ATP6V1B2: variants seen among roughly 807,000 people sequenced by gnomAD.
ATP6V1B2 encodes V-type proton ATPase subunit B, brain isoform.
Under a neutral mutation model 66.7 loss-of-function variants are expected in ATP6V1B2, and 23 were observed. The ratio of observed to expected loss-of-function variants is 0.34; its 90% CI spans 0.25 to 0.49. The LOEUF is 0.49. ATP6V1B2 is among the 20% of genes least tolerant of loss of function. The probability of loss-of-function intolerance (pLI) is 0.99; values close to 1 mark genes in which losing one functional copy is unlikely to be tolerated. For missense variants in ATP6V1B2, 478 were observed against 650.8 expected (o/e 0.73, Z 2.89); for synonymous variants, 278 against 236.7 (o/e 1.17, Z -1.60).
chr8:20,220,657 G>A lies in ATP6V1B2; in HGVS notation c.*255G>A. 1 of 409,100 alleles carries A rather than the reference G, an allele frequency of 2.4e-6. No homozygotes were observed. Among genetic ancestry groups the A allele is most frequent in the Non-Finnish European group, 4.2e-6 (1 of 235,958 alleles). The allele number at this position is 409,100 out of a possible 1,614,324, so 25.3% of individuals were successfully genotyped here. On this transcript the variant is annotated 3_prime_UTR_variant, in exon 14 of 14. Coordinates refer to ENST00000276390, the MANE Select transcript of ATP6V1B2 (RefSeq NM_001693.4). The stretch of plus-strand genomic sequence containing the variant: ...GATGGAGTGGCGTTTTCTTATTGCT[G>A]TATGTATTGTACATAGTGGAGTAGT...
intron 1 of ATP6V1B2, among the ~76,000 whole-genome samples, chr8:20,202,332 A>T (rs577362076): frequency 6.6e-6 from 1 of 152,352 alleles, no homozygotes; most frequent in South Asian, 2.1e-4. Flanking sequence ...TGGGCAAGAC[A>T]CAATAATTTC....
chr8:20,200,437 A>G (rs2072674599), intron 1 of ATP6V1B2, among the ~76,000 whole-genome samples: 1 of 152,208 alleles, frequency 6.6e-6, no homozygotes, highest in Non-Finnish European at 1.5e-5. Flanking sequence ...AAACTCAAAA[A>G]GCTTTGTTTT....
Position 20,214,783 on chromosome 8 carries a change from C to T in ATP6V1B2, c.928-35C>T, listed in dbSNP as rs139729457. 1,776 of 1,567,666 alleles carry T rather than the reference C, an allele frequency of 1.1e-3. 12 individuals carry two copies. The Middle Eastern group carries it at 0.013, about 11-fold the overall frequency. ...GTTGTAAGCAAGCTTGTTGTAATATCGTGCATGATACTCTTCTGCTTGACC... is the reference window on the plus strand; with the variant it reads ...GTTGTAAGCAAGCTTGTTGTAATATTGTGCATGATACTCTTCTGCTTGACC... On this transcript the variant is annotated intron_variant, in intron 9 of 13. Transcript: ENST00000276390.
chr8:20,216,888 A>ATT (rs901486311), intron 11 of ATP6V1B2: 6 of 263,066 alleles, frequency 2.3e-5, no homozygotes, highest in African/African-American at 1.1e-4. Flanking sequence ...TTTGTGTATA[A>ATT]TTTTTTGAGT....
intron 1 of ATP6V1B2, among the ~76,000 whole-genome samples, chr8:20,199,360 C>CTTTGTTTT (rs2072660612): frequency 1.3e-5 from 2 of 151,858 alleles, no homozygotes; most frequent in African/African-American, 4.9e-5. Context: ...ATTTAAACTC[C>CTTTGTTTT]TTGCTCGAAT....
chr8:20,220,782 A>G lies in ATP6V1B2; in HGVS notation c.*380A>G, dbSNP rs1465382883. ...CTGAAGTTATAATGCTTTGGTCTCT[A>G]CATTAGGGGCAAGATCCAGTCTGAG... On this transcript the variant is annotated 3_prime_UTR_variant, in exon 14 of 14. Transcript: ENST00000276390. 6.3e-6 allele frequency: 1 copy of G among 158,342 alleles called. No homozygotes were observed. The allele number at this position is 158,342 out of a possible 1,614,324, so 9.8% of individuals were successfully genotyped here.
chr8:20,197,875 C>T (rs2072644825), intron 1 of ATP6V1B2, among the ~76,000 whole-genome samples: 1 of 152,200 alleles, frequency 6.6e-6, no homozygotes, highest in African/African-American at 2.4e-5. Flanking sequence ...TCTTGCCACT[C>T]CGATCTTAAT....
intron 13 of ATP6V1B2, 118 bp downstream of exon 13, chr8:20,218,400 G>A: frequency 1.5e-6 from 2 of 1,332,190 alleles, no homozygotes; most frequent in South Asian, 1.5e-5. Context: ...GGTTAGAGAA[G>A]AGGCTCTGTC....
At chr8:20,207,297 G>A (rs962339056) in intron 2 of ATP6V1B2, among the ~76,000 whole-genome samples, 5 of 152,118 alleles carry the variant, frequency 3.3e-5, no homozygotes, top group Non-Finnish European at 7.4e-5. Context: ...ATGAGAATTC[G>A]ACTTGGTAAA....
chr8:20,210,365 G>A lies in ATP6V1B2; in HGVS notation c.311G>A (p.Gly104Asp). The stretch of plus-strand genomic sequence containing the variant: ...TGATAGGTATTTGAAGGGACTTCAG[G>A]TATAGATGCTAAGAAAACGTCCTGT... ...AVVQVFEGTS[G>D]IDAKKTSCEF... Residue 104 changes from glycine to aspartate, a missense_variant, in exon 4 of 14, where the codon GGT becomes GAT. This residue lies in a region of ATP6V1B2 where 326 missense variants were observed against 545.6 expected (regional missense o/e 0.60). Transcript: ENST00000276390. The A allele has an allele frequency of 6.2e-7, 1 of 1,613,048 alleles. No homozygotes were observed. Among genetic ancestry groups the A allele is most frequent in the Non-Finnish European group, 8.5e-7 (1 of 1,179,458 alleles).
At chr8:20,219,641 G>T (rs932927544) in intron 13 of ATP6V1B2, among the ~76,000 whole-genome samples, 9 of 152,060 alleles carry the variant, frequency 5.9e-5, no homozygotes, top group African/African-American at 2.2e-4. Flanking sequence ...TTTTTTTAAT[G>T]CAGAACCTGA....
rs1380594696 is a variant in ATP6V1B2 at position 20,211,784 on chromosome 8, G to A, written c.705+31G>A. ...TAGAATTTTTGTTTTAGTATGATAT[G>A]TAAAATTTTGCTTGTGTCGTGAGAA... On this transcript the variant is annotated intron_variant, in intron 7 of 13. Transcript: ENST00000276390. The A allele has an allele frequency of 2.6e-6, 4 of 1,534,382 alleles. No individual in the cohort carries two copies. In the Admixed American group the frequency reaches 5.6e-5, roughly 21 times the overall value.
Position 20,212,763 on chromosome 8 carries a change from A to C in ATP6V1B2, c.804-19A>C. 6.2e-7 allele frequency: 1 copy of C among 1,611,460 alleles called. No individual in the cohort carries two copies. The highest frequency in any genetic ancestry group is 1.3e-5 in the African/African-American group (1 of 74,884). The stretch of plus-strand genomic sequence containing the variant: ...GGTCTTTTGGTTTGAGTGGCCTAAG[A>C]CTTAATGTTCCCTTTCAGCATTGAG... On this transcript the variant is annotated intron_variant, in intron 8 of 13. Coordinates refer to ENST00000276390, the MANE Select transcript of ATP6V1B2 (RefSeq NM_001693.4).
rs149154573 is a variant in ATP6V1B2, at chr8:20,217,205, C to G, written c.1162-15C>G. 2.6e-4 allele frequency: 409 copies of G among 1,594,398 alleles called. 3 individuals carry two copies. The African/African-American group carries it at 5.0e-3, about 20-fold the overall frequency. On this transcript the variant is annotated splice_polypyrimidine_tract_variant and intron_variant, in intron 11 of 13. Transcript: ENST00000276390. ...TACTTAAATATAGTATTTTTTCCCT[C>G]TCATTCTACCCAAGATTTATCCACC...
At chr8:20,211,394 A>C (rs938287344) in intron 6 of ATP6V1B2, 78 bp downstream of exon 6, 5 of 1,542,238 alleles carry the variant, frequency 3.2e-6, no homozygotes, top group Non-Finnish European at 4.4e-6. Context: ...TGAGAAACCG[A>C]ATAAAGGGTT....
intron 1 of ATP6V1B2, among the ~76,000 whole-genome samples, chr8:20,200,187 T>C (rs1327598634): frequency 6.6e-6 from 1 of 151,746 alleles, no homozygotes; most frequent in East Asian, 1.9e-4. Flanking sequence ...TAATTTTTAT[T>C]TTTTATTTTT....
At chr8:20,211,342 G>A (rs2072791321) in intron 6 of ATP6V1B2, 26 bp downstream of exon 6, 1 of 1,598,330 alleles carries the variant, frequency 6.3e-7, no homozygotes, top group Non-Finnish European at 8.5e-7. Flanking sequence ...GGTTTGCTAT[G>A]AAGTTTAGCA....
chr8:20,217,058 C>G, intron 11 of ATP6V1B2, 162 bp from the exon 12 acceptor site: 1 of 617,824 alleles, frequency 1.6e-6, no homozygotes, highest in Non-Finnish European at 2.8e-6. Context: ...TTCTTACTAC[C>G]TTTTCTTGCC....
Position 20,220,422 on chromosome 8 carries a change from C to G in ATP6V1B2, c.*20C>G. ...CATTAGCTGCTGCTTCTGCATTGCT[C>G]CGCGCTCTTGTGAAATACTGGTTCT... On this transcript the variant is annotated 3_prime_UTR_variant, in exon 14 of 14. Coordinates refer to ENST00000276390, the MANE Select transcript of ATP6V1B2 (RefSeq NM_001693.4). 6.5e-7 allele frequency: 1 copy of G among 1,540,974 alleles called. No homozygotes were observed. The highest frequency in any genetic ancestry group is 8.7e-7 in the Non-Finnish European group (1 of 1,150,712).
Sources: allele counts gnomAD v4.1 joint callset (sites outside exome capture counted in the v4.1 genomes callset), GRCh38; gene constraint gnomAD v4.1.1; regional missense constraint gnomAD v4.1.1; transcripts MANE v1.5; gene names NCBI Gene and HGNC (gene_info 2026-07-23, HGNC 2026-07-21).